Variants in FADS6 observed in about 807,000 individuals in gnomAD.
FADS6 encodes fatty acid desaturase domain family, member 6.
A neutral mutation model predicts 31.7 loss-of-function variants in FADS6; 28 were observed. The ratio of observed to expected loss-of-function variants is 0.88; its 90% CI spans 0.66 to 1.21. The LOEUF (loss-of-function observed/expected upper bound fraction) is 1.21. Ranked by LOEUF, FADS6 falls within the 50% of genes most tolerant of loss-of-function variation. The probability of loss-of-function intolerance (pLI) is 0.00; values close to 1 mark genes in which losing one functional copy is unlikely to be tolerated. For missense variants in FADS6, 494 were observed against 504.2 expected (o/e 0.98, Z 0.19); for synonymous variants, 191 against 213.1 (o/e 0.90, Z 0.90).
At chr17:74,875,810 C>T (rs945100257), downstream of FADS6, among the ~76,000 whole-genome samples, 3 of 152,230 alleles carry the variant, frequency 2.0e-5, no homozygotes, top group South Asian at 2.1e-4. Context: ...AAGCCTGCCT[C>T]GTGCCAAGAG....
rs2038523017 is a variant in FADS6 at position 74,877,896 on chromosome 17, C to T, written c.*435G>A. 1.0e-6 allele frequency: 1 copy of T among 990,714 alleles called. No homozygotes were observed. The highest frequency in any genetic ancestry group is 4.6e-5 in the South Asian group (1 of 21,626). The allele number at this position is 990,714 out of a possible 1,614,324, so 61.4% of individuals were successfully genotyped here. A position where few individuals can be genotyped will look rare whatever the true frequency, so the allele number is the denominator to read the frequency against. Reference sequence around the variant, plus strand: ...AAGCAATAGCCAAGGCCGTGTGGGGCTCTCCCAATGCCAGGGAGGTCCCAG... The same window carrying T: ...AAGCAATAGCCAAGGCCGTGTGGGGTTCTCCCAATGCCAGGGAGGTCCCAG... On this transcript the variant is annotated 3_prime_UTR_variant, in exon 6 of 6. Coordinates refer to ENST00000612771, the MANE Select transcript of FADS6 (RefSeq NM_178128.6).
intron 2 of FADS6, among the ~76,000 whole-genome samples, chr17:74,884,049 G>A (rs1447384168): frequency 6.6e-6 from 1 of 152,150 alleles, no homozygotes; most frequent in Non-Finnish European, 1.5e-5. Context: ...CTAGGCCTGT[G>A]GGGTTCCCAG....
chr17:74,883,866 C>G (rs1394937173), intron 2 of FADS6, among the ~76,000 whole-genome samples: 2 of 152,118 alleles, frequency 1.3e-5, no homozygotes, highest in African/African-American at 2.4e-5. Context: ...CAGGGTTTCA[C>G]CATGTTGGCC....
At chr17:74,888,146 ACACACACACGCGCGCGCG>A (rs1377565561) in intron 2 of FADS6, among the ~76,000 whole-genome samples, 13 of 113,628 alleles carry the variant, frequency 1.1e-4, no homozygotes, top group African/African-American at 2.4e-4. Context: ...ACACACACAC[ACACACACACGCGCGCGCG>A]CGCGCGCGCA....
chr17:74,876,148 C>T (rs150675204), downstream of FADS6, among the ~76,000 whole-genome samples: 270 of 152,274 alleles, frequency 1.8e-3, no homozygotes, highest in Non-Finnish European at 2.6e-3. Flanking sequence ...TGTGCAGCTG[C>T]CTAAGGCCAC....
At chr17:74,881,899 T>C (rs1028104815) in intron 3 of FADS6, among the ~76,000 whole-genome samples, 2 of 152,022 alleles carry the variant, frequency 1.3e-5, no homozygotes, top group Admixed American at 1.3e-4. Context: ...ATATCAAAGC[T>C]GATAACATGA....
At chr17:74,892,296 A>G (rs2038697259) in intron 2 of FADS6, among the ~76,000 whole-genome samples, 1 of 152,180 alleles carries the variant, frequency 6.6e-6, no homozygotes, top group Admixed American at 6.5e-5. Flanking sequence ...CGGCATACTC[A>G]TCCTACAACT....
intron 2 of FADS6, among the ~76,000 whole-genome samples, chr17:74,884,463 G>A (rs569920622): frequency 7.9e-5 from 12 of 152,250 alleles, no homozygotes; most frequent in African/African-American, 2.9e-4. Context: ...GGCCATTCTT[G>A]CATTGCTAAA....
chr17:74,892,711 G>A (rs1189812526), intron 1 of FADS6, 22 bp from the exon 2 acceptor site: 2 of 1,598,576 alleles, frequency 1.3e-6, no homozygotes, highest in Admixed American at 1.7e-5. Context: ...GGAGGAAGAA[G>A]ACGGGTCTTT....
intron 4 of FADS6, among the ~76,000 whole-genome samples, chr17:74,880,589 C>G (rs1424304109): frequency 1.3e-5 from 2 of 152,006 alleles, no homozygotes; most frequent in Non-Finnish European, 2.9e-5. Flanking sequence ...GGTGATCCAC[C>G]CACCTCAGTC....
intron 2 of FADS6, among the ~76,000 whole-genome samples, chr17:74,888,148 A>AGGG (rs2038646225): frequency 8.1e-6 from 1 of 122,840 alleles, no homozygotes; most frequent in Non-Finnish European, 1.6e-5. Context: ...ACACACACAC[A>AGGG]CACACACGCG....
chr17:74,877,001 G>A (rs113659559), downstream of FADS6, among the ~76,000 whole-genome samples: 6,352 of 151,974 alleles, frequency 0.042, 416 homozygotes, highest in African/African-American at 0.14. Context: ...CAGCACCTTG[G>A]TCTCTTCCTC....
intron 3 of FADS6, among the ~76,000 whole-genome samples, chr17:74,881,589 C>T (rs542374919): frequency 4.3e-4 from 65 of 151,944 alleles, no homozygotes; most frequent in African/African-American, 1.5e-3. Context: ...GTCCCAGCTA[C>T]TCAGGAGGAG....
At chr17:74,876,359 A>G (rs1266811298), downstream of FADS6, among the ~76,000 whole-genome samples, 1 of 152,196 alleles carries the variant, frequency 6.6e-6, no homozygotes, top group Non-Finnish European at 1.5e-5. Flanking sequence ...CATGTTCTCA[A>G]CTGGGTCAAC....
chr17:74,883,355 G>A (rs1438038844), intron 2 of FADS6, among the ~76,000 whole-genome samples: 3 of 152,252 alleles, frequency 2.0e-5, no homozygotes, highest in African/African-American at 2.4e-5. Context: ...CAAAAGCCAC[G>A]CTAAGGTGTT....
intron 2 of FADS6, among the ~76,000 whole-genome samples, chr17:74,892,193 CT>C: frequency 6.6e-6 from 1 of 152,184 alleles, no homozygotes; most frequent in Non-Finnish European, 1.5e-5. Context: ...CACTGGGCCC[CT>C]CCTCCCCCTC....
chr17:74,888,154 A>ACGCG (rs67402175), intron 2 of FADS6, among the ~76,000 whole-genome samples: 54 of 134,788 alleles, frequency 4.0e-4, no homozygotes, highest in African/African-American at 7.6e-4. Flanking sequence ...ACACACACAC[A>ACGCG]CGCGCGCGCG....
chr17:74,893,287 C>A, intron 1 of FADS6, 65 bp downstream of exon 1: 2 of 1,441,404 alleles, frequency 1.4e-6, no homozygotes, highest in South Asian at 1.4e-5. Flanking sequence ...CCCGCGCCGC[C>A]ACCTCCGCCG....
intron 2 of FADS6, among the ~76,000 whole-genome samples, chr17:74,886,791 C>T (rs534317756): frequency 8.3e-4 from 127 of 152,240 alleles, no homozygotes; most frequent in African/African-American, 2.8e-3. Context: ...CTGAGGGTCC[C>T]TCATGCACTG....
Sources: gnomAD v4.1 joint callset for allele counts (sites outside exome capture counted in the v4.1 genomes callset) on GRCh38, gnomAD v4.1.1 for gene constraint, MANE v1.5 for transcripts, NCBI Gene and HGNC (gene_info 2026-07-23, HGNC 2026-07-21) for gene names.